SSPN: variants seen among roughly 807,000 people sequenced by gnomAD.
SSPN encodes sarcospan.
SSPN carries 15 observed loss-of-function variants against 19.1 expected under a neutral mutation model. The ratio of observed to expected loss-of-function variants is 0.78; its 90% CI spans 0.52 to 1.21. The LOEUF (loss-of-function observed/expected upper bound fraction) is 1.21, where lower values mean the gene tolerates loss of function less well. Among genes scored for constraint, SSPN ranks in the 50% most tolerant of loss-of-function variants. The pLI is 0.00. For missense variants in SSPN, 291 were observed against 314.0 expected, an observed-to-expected ratio of 0.93 and a Z score of 0.55; for synonymous variants, 147 against 140.3, an observed-to-expected ratio of 1.05 and a Z score of -0.34.
At chr12:26,146,818 T>TAAAAAAAAAAAAAAAAAA (rs770083050) in intron 1 of SSPN, among the ~76,000 whole-genome samples, 5 of 105,174 alleles carry the variant, frequency 4.8e-5, no homozygotes, top group South Asian at 3.4e-4. Context: ...CAAGGCTGTC[T>TAAAAAAAAAAAAAAAAAA]AAAAAAAAAA....
At chr12:26,211,015 T>C (rs1944980416) in intron 1 of SSPN, 1 of 152,122 alleles carries the variant, frequency 6.6e-6, no homozygotes, top group Non-Finnish European at 1.5e-5. Context: ...GTAGTGGGAA[T>C]AGCTGAGCAG....
Position 26,124,620 on chromosome 12 carries a change from G to A in SSPN, c.-31+2468G>A, listed in dbSNP as rs374115150. 6 of 1,613,076 alleles carry A rather than the reference G, an allele frequency of 3.7e-6. No homozygotes were observed. In the African/African-American group the frequency reaches 5.3e-5, roughly 14 times the overall value. The stretch of plus-strand genomic sequence containing the variant: ...AATCAGCATCAGGCACCCATTCGGG[G>A]AGGGGCTCTGCCCTCGCCAGCTCCA... On this transcript the variant is annotated intron_variant, in intron 1 of 2. Transcript: ENST00000538142.
intron 1 of SSPN, chr12:26,125,392 T>C (rs1240394039): frequency 1.8e-5 from 3 of 166,570 alleles, no homozygotes; most frequent in Non-Finnish European, 4.0e-5. Flanking sequence ...AACGTGGCTT[T>C]TTGCTTTTCC....
In SSPN at chr12:26,170,744, G is replaced by C. The variant is rs117283017; in HGVS notation, c.-31+48592G>C. ...GGAATTCATTGAATAAATACTTACT[G>C]AGCAAGTTCTTCTTCCCAGTTAGGT... On this transcript the variant is annotated intron_variant, in intron 1 of 2. Transcript: ENST00000538142. 4.6e-3 allele frequency among the ~76,000 whole-genome samples: 699 copies of C among 152,242 alleles called. 10 individuals carry two copies. The Middle Eastern group carries it at 0.051, about 11-fold the overall frequency.
intron 1 of SSPN, among the ~76,000 whole-genome samples, chr12:26,202,921 G>T (rs1480030): frequency 6.6e-6 from 1 of 152,062 alleles, no homozygotes; most frequent in East Asian, 1.9e-4. Context: ...TTAATTGACT[G>T]ACAATTCCAC....
chr12:26,146,004 A>T (rs934061366), intron 1 of SSPN, among the ~76,000 whole-genome samples: 1 of 152,170 alleles, frequency 6.6e-6, no homozygotes, highest in African/African-American at 2.4e-5. Context: ...ACATTAGCTG[A>T]CATTGACCTT....
chr12:26,160,118 T>C (rs954703978), intron 1 of SSPN, among the ~76,000 whole-genome samples: 7 of 152,240 alleles, frequency 4.6e-5, no homozygotes, highest in African/African-American at 1.7e-4. Context: ...GGTGAGAAGC[T>C]GGAACCAGAT....
intron 1 of SSPN, among the ~76,000 whole-genome samples, chr12:26,128,228 G>A (rs1440091728): frequency 6.6e-6 from 1 of 151,910 alleles, no homozygotes; most frequent in South Asian, 2.1e-4. Flanking sequence ...GTGCACATTT[G>A]TGTGTGTGTG....
intron 1 of SSPN, among the ~76,000 whole-genome samples, chr12:26,152,559 T>A (rs1232903681): frequency 6.6e-6 from 1 of 152,176 alleles, no homozygotes; most frequent in Non-Finnish European, 1.5e-5. Context: ...TGTATTTTAA[T>A]CCAACAGCCA....
chr12:26,203,777 C>A (rs1309649365), intron 1 of SSPN, among the ~76,000 whole-genome samples: 1 of 152,128 alleles, frequency 6.6e-6, no homozygotes, highest in Non-Finnish European at 1.5e-5. Flanking sequence ...GTTCTGGAGA[C>A]GGGAAGTCCA....
At chr12:26,201,392 AGAATTTGGC>A (rs1325288805) in intron 1 of SSPN, among the ~76,000 whole-genome samples, 1 of 151,854 alleles carries the variant, frequency 6.6e-6, no homozygotes, top group African/African-American at 2.4e-5. Context: ...AAAAAAAAAA[AGAATTTGGC>A]GAATTTGGCG....
chr12:26,168,718 G>C (rs1420342703), intron 1 of SSPN, among the ~76,000 whole-genome samples: 1 of 152,172 alleles, frequency 6.6e-6, no homozygotes, highest in East Asian at 1.9e-4. Context: ...GATATGAGAT[G>C]GTGACAGCAC....
Position 26,195,926 on chromosome 12 carries a change from A to G in SSPN, c.254A>G (p.Asp85Gly). The change falls in exon 1 of 3, where the codon GAC becomes GGC. Residue 85 changes from aspartate (D) to glycine (G), a missense_variant. By Grantham distance (94) the Asp-to-Gly change is moderately conservative (BLOSUM62 -1). Around this residue, in one of 3 missense-constraint regions of SSPN, gnomAD observed 139 missense variants for 119.6 expected, o/e 1.16. Coordinates refer to ENST00000242729, the MANE Select transcript of SSPN (RefSeq NM_005086.5). Reference protein sequence around the residue: ...ASISSSLLVRDTPFWAGIIVC... With the variant: ...ASISSSLLVRGTPFWAGIIVC... ...ATCAGCTCCTCCCTGCTAGTCAGGG[A>G]CACTCCATTTTGGGCTGGGATCATT... is the stretch of plus-strand genomic sequence containing the variant. 6.4e-7 allele frequency: 1 copy of G among 1,552,048 alleles called. No homozygotes were observed. The highest frequency in any genetic ancestry group is 8.7e-7 in the Non-Finnish European group (1 of 1,152,702).
In SSPN at chr12:26,232,357, G is replaced by A; in HGVS notation, c.*1281G>A. The A allele has an allele frequency of 1.0e-6, 1 of 983,960 alleles. No individual in the cohort carries two copies. The highest frequency in any genetic ancestry group is 1.2e-6 in the Non-Finnish European group (1 of 829,240). 61.0% of individuals were successfully genotyped at this position (983,960 alleles called of 1,614,324 possible). ...TAAAGCACAAATGCCCCAAGGTGGG[G>A]AGACTTCTCTCTGTGATTATTGTTG... On this transcript the variant is annotated 3_prime_UTR_variant, in exon 3 of 3. Coordinates refer to ENST00000242729, the MANE Select transcript of SSPN (RefSeq NM_005086.5).
Position 26,124,086 on chromosome 12 carries a change from G to A in SSPN, c.-31+1934G>A, listed in dbSNP as rs778490964. Reference sequence around the variant, plus strand: ...GTGCATCTTACTGTCAATTTCAGATGTTCAGGCAGTAAATCTTTCAGCTGA... The same window carrying A: ...GTGCATCTTACTGTCAATTTCAGATATTCAGGCAGTAAATCTTTCAGCTGA... On this transcript the variant is annotated intron_variant, in intron 1 of 2. Coordinates refer to the SSPN transcript ENST00000538142. 10 of 1,605,924 alleles carry A rather than the reference G, an allele frequency of 6.2e-6. No homozygotes were observed. The South Asian group carries it at 9.9e-5, about 16-fold the overall frequency.
intron 1 of SSPN, among the ~76,000 whole-genome samples, chr12:26,209,992 A>T (rs1351952016): frequency 6.6e-6 from 1 of 152,086 alleles, no homozygotes; most frequent in East Asian, 1.9e-4. Context: ...TTGTCTTGCC[A>T]TATGTCCCAG....
chr12:26,187,114 C>T (rs1228832884), intron 1 of SSPN, among the ~76,000 whole-genome samples: 1 of 152,246 alleles, frequency 6.6e-6, no homozygotes, highest in African/African-American at 2.4e-5. Context: ...GAATCCTTGT[C>T]TCATGCCTAG....
At position 26,130,797 on chromosome 12, in the gene SSPN, G is replaced by A. The variant is rs1004539964; in HGVS notation, c.-31+8645G>A. On this transcript the variant is annotated intron_variant, in intron 1 of 2. Coordinates refer to the SSPN transcript ENST00000538142. ...TTCTGCTTTTCCACTCTCCACCAGC[G>A]TCTATCTGCAAGATCACCCCATGGT... Among the ~76,000 whole-genome samples, 100 of 152,156 alleles carry A rather than the reference G, an allele frequency of 6.6e-4. 1 individual carries two copies. The highest frequency in any genetic ancestry group is 2.3e-3 in the African/African-American group (95 of 41,496).
chr12:26,181,421 A>G (rs970714259), intron 1 of SSPN: 6 of 152,210 alleles, frequency 3.9e-5, no homozygotes, highest in African/African-American at 1.4e-4. Flanking sequence ...TTGGTCAACA[A>G]TGTTAGCTGT....
Sources: gnomAD v4.1 joint callset for allele counts (sites outside exome capture counted in the v4.1 genomes callset) on GRCh38, gnomAD v4.1.1 for gene constraint, gnomAD v4.1.1 regional missense constraint, MANE v1.5 for transcripts, NCBI Gene and HGNC (gene_info 2026-07-23, HGNC 2026-07-21) for gene names.